The following FAM186A variants were observed in gnomAD, a reference collection of about 807,000 sequenced individuals.
The protein encoded by FAM186A is protein FAM186A.
FAM186A carries 163 observed loss-of-function variants against 216.8 expected under a neutral mutation model. The observed-to-expected ratio is 0.75, with a 90% CI of 0.66 to 0.86. The LOEUF (loss-of-function observed/expected upper bound fraction) is 0.86, where lower values mean the gene tolerates loss of function less well. FAM186A is among the 40% of genes least tolerant of loss of function. The pLI, the probability that FAM186A is intolerant of heterozygous loss-of-function variation, is 0.00. For synonymous variants in FAM186A, 805 were observed against 1,025.3 expected (o/e 0.79, Z 4.10); for missense variants, 2,184 against 2,746.2 (o/e 0.80, Z 4.58).
chr12:50,373,011 GAA>G (rs1359156592), intron 1 of FAM186A, among the ~76,000 whole-genome samples: 1 of 106,206 alleles, frequency 9.4e-6, no homozygotes, highest in African/African-American at 4.2e-5. Context: ...AAGAAAGAAA[GAA>G]AGAAAGAAAG....
At chr12:50,372,272 A>G (rs1943148659) in intron 1 of FAM186A, among the ~76,000 whole-genome samples, 1 of 152,120 alleles carries the variant, frequency 6.6e-6, no homozygotes, top group South Asian at 2.1e-4. Context: ...AAAGAATAAC[A>G]TCACAACTAA....
chr12:50,355,828 A>G lies in FAM186A; in HGVS notation c.1004T>C (p.Ile335Thr). Residue 335 changes from isoleucine to threonine, a missense_variant, in exon 4 of 8, where the codon ATT becomes ACT. By Grantham distance (89) the Ile-to-Thr change is moderately conservative. This residue lies in a region of FAM186A where 1,132 missense variants were observed against 1,263.4 expected (regional missense o/e 0.90). Coordinates refer to ENST00000327337, the MANE Select transcript of FAM186A (RefSeq NM_001145475.3). ...TTTTGCATATAGTTGTTCTATAACA[A>G]TTTTGGATCGAATAAGTTGTTCACA... is the stretch of plus-strand genomic sequence containing the variant. ...EKCEQLIRSK[I>T]VIEQLYAKLS... 6.4e-7 allele frequency: 1 copy of G among 1,551,518 alleles called. No individual in the cohort carries two copies. The highest frequency in any genetic ancestry group is 8.7e-7 in the Non-Finnish European group (1 of 1,146,964).
rs1942950025 is a variant in FAM186A at position 50,354,436 on chromosome 12, A to G, written c.2396T>C (p.Ile799Thr). 1.3e-6 allele frequency: 2 copies of G among 1,551,244 alleles called. No homozygotes were observed. The highest frequency in any genetic ancestry group is 1.7e-6 in the Non-Finnish European group (2 of 1,146,954). The change falls in exon 4 of 8, where the codon ATA (isoleucine) becomes ACA (threonine). Residue 799 changes from isoleucine (I) to threonine (T), a missense_variant. This residue lies in a region of FAM186A where 1,132 missense variants were observed against 1,263.4 expected (regional missense o/e 0.90). Coordinates refer to ENST00000327337, the MANE Select transcript of FAM186A (RefSeq NM_001145475.3). ...TGTTGGAATATCTCTTTCACTTTCT[A>G]TTTCAGCCAAGATCATTTGTATTAA... ...NNLIQMILAE[I>T]ESERDIPTVS...
chr12:50,350,289 G>T lies in FAM186A; in HGVS notation c.6503+40C>A, dbSNP rs932798403. On this transcript the variant is annotated intron_variant, in intron 4 of 7. Coordinates refer to ENST00000327337, the MANE Select transcript of FAM186A (RefSeq NM_001145475.3). ...CAATGACAGAAAATATTTGCAATCA[G>T]AACTAAACCAGAAAACTAGACGTAA... 6 of 1,461,746 alleles carry T rather than the reference G, an allele frequency of 4.1e-6. No homozygotes were observed. The African/African-American group carries it at 5.7e-5, about 14-fold the overall frequency. 90.5% of individuals were successfully genotyped at this position (1,461,746 alleles called of 1,614,324 possible). A position where few individuals can be genotyped will look rare whatever the true frequency, so the allele number is the denominator to read the frequency against.
chr12:50,327,510 A>G, intron 7 of FAM186A, 106 bp from the exon 8 acceptor site: 1 of 769,434 alleles, frequency 1.3e-6, no homozygotes, highest in Admixed American at 2.9e-5. Flanking sequence ...AGAACTCAAA[A>G]AGATAAACTA....
chr12:50,346,804 C>A (rs1176138372), intron 4 of FAM186A, among the ~76,000 whole-genome samples: 1 of 151,652 alleles, frequency 6.6e-6, no homozygotes, highest in Non-Finnish European at 1.5e-5. Flanking sequence ...TGGAGATTGC[C>A]CCACTGCACT....
In FAM186A at chr12:50,360,804, A is replaced by G. The variant is rs1293746366; in HGVS notation, c.535T>C (p.Phe179Leu). 4 of 1,547,052 alleles carry G rather than the reference A, an allele frequency of 2.6e-6. No individual in the cohort carries two copies. The highest frequency in any genetic ancestry group is 2.6e-6 in the Non-Finnish European group (3 of 1,145,566). The part of the protein sequence containing the change: ...IENNVKILSR[F>L]STSFLDEKKK... ...TTTTCGTCGAGGAAAGATGTACTAA[A>G]TCTGCTTAGTATCTTGACATTGTTC... Residue 179 changes from phenylalanine to leucine, a missense_variant, in exon 3 of 8, where the codon TTT (phenylalanine) becomes CTT (leucine). Physicochemically the swap from Phe to Leu is conservative, Grantham distance 22. Transcript: ENST00000327337.
intron 1 of FAM186A, among the ~76,000 whole-genome samples, chr12:50,369,035 G>T (rs772318198): frequency 6.7e-6 from 1 of 149,876 alleles, no homozygotes; most frequent in Non-Finnish European, 1.5e-5. Context: ...AATGAAGTTG[G>T]ATCCTTATCT....
intron 4 of FAM186A, among the ~76,000 whole-genome samples, chr12:50,347,988 T>A (rs1285345481): frequency 1.3e-5 from 2 of 150,544 alleles, no homozygotes; most frequent in Non-Finnish European, 3.0e-5. Context: ...TTCTTCTGCC[T>A]CAGCCTCCTG....
intron 3 of FAM186A, among the ~76,000 whole-genome samples, 174 bp downstream of exon 3, chr12:50,360,582 G>A (rs1943022949): frequency 6.6e-6 from 1 of 151,698 alleles, no homozygotes; most frequent in African/African-American, 2.4e-5. Context: ...CTACTCTGGA[G>A]GCTGAGGCAG....
At position 50,353,584 on chromosome 12, in the gene FAM186A, A is replaced by G. The variant is rs558943829; in HGVS notation, c.3248T>C (p.Val1083Ala). The change falls in exon 4 of 8, where the codon GTG (valine) becomes GCG (alanine). Residue 1083 changes from valine to alanine, a missense_variant. Around this residue, in one of 7 missense-constraint regions of FAM186A, gnomAD observed 1,132 missense variants for 1,263.4 expected, o/e 0.90. Transcript: ENST00000327337. ...IHLTPQQAQE[V>A]GITLTPQQAQ... ...CTGCTGAGGAGTGAGTGTGATCCCCACTTCCTGGGCCTGCTGAGGTGTGAG... is the reference window on the plus strand; with the variant it reads ...CTGCTGAGGAGTGAGTGTGATCCCCGCTTCCTGGGCCTGCTGAGGTGTGAG... 4.3e-5 allele frequency: 65 copies of G among 1,526,120 alleles called. 1 individual carries two copies. In the South Asian group the frequency reaches 7.5e-4, roughly 18 times the overall value. 94.5% of individuals were successfully genotyped at this position (1,526,120 alleles called of 1,614,324 possible).
Position 50,363,328 on chromosome 12 carries a change from C to G in FAM186A, c.229G>C (p.Val77Leu). ...GTATAGCGAGTCATTATCCGATGCA[C>G]ATTGTTCATTATTTCACTCAGCTGC... The part of the protein sequence containing the change: ...DMQLSEIMNN[V>L]HRIMTRYTLV... The change falls in exon 2 of 8, where the codon GTG becomes CTG. Residue 77 changes from valine to leucine, a missense_variant. Physicochemically the swap from Val to Leu is conservative, Grantham distance 32 (BLOSUM62 1). Coordinates refer to ENST00000327337, the MANE Select transcript of FAM186A (RefSeq NM_001145475.3). 2 of 1,551,116 alleles carry G rather than the reference C, an allele frequency of 1.3e-6. No individual in the cohort carries two copies. The highest frequency in any genetic ancestry group is 1.7e-6 in the Non-Finnish European group (2 of 1,146,904).
At chr12:50,335,908 G>T (rs192481449) in intron 4 of FAM186A, among the ~76,000 whole-genome samples, 1 of 151,896 alleles carries the variant, frequency 6.6e-6, no homozygotes, top group African/African-American at 2.4e-5. Flanking sequence ...GGCAGATCAC[G>T]AGGTCAGGGG....
rs866924370 is a variant in FAM186A at position 50,353,662 on chromosome 12, G to A, written c.3170C>T (p.Ser1057Phe). ...SITPPPSLQY[S>F]LPGALPISGQ... Reference sequence around the variant, plus strand: ...AGAAATAGGAAGAGCTCCAGGCAGGGAGTATTGTAGGGAGGGGGGAGGTGT... The same window carrying A: ...AGAAATAGGAAGAGCTCCAGGCAGGAAGTATTGTAGGGAGGGGGGAGGTGT... Residue 1057 changes from serine (S) to phenylalanine (F), a missense_variant, in exon 4 of 8, where the codon TCC (serine) becomes TTC (phenylalanine). Coordinates refer to ENST00000327337, the MANE Select transcript of FAM186A (RefSeq NM_001145475.3). 3 of 1,537,224 alleles carry A rather than the reference G, an allele frequency of 2.0e-6. No individual in the cohort carries two copies. Among genetic ancestry groups the A allele is most frequent in the Non-Finnish European group, 2.6e-6 (3 of 1,141,474 alleles).
intron 1 of FAM186A, among the ~76,000 whole-genome samples, chr12:50,378,566 ATATATATACACATATGTAAATTG>A (rs879290038): frequency 0.37 from 16,003 of 43,068 alleles, 1,445 homozygotes; most frequent in East Asian, 0.59. Flanking sequence ...TTGTATATAT[ATATATATACACATATGTAAATTG>A]TATATATATA....
At chr12:50,362,743 C>CAAAAAAAAAAAAAAAAAAAA (rs10654604) in intron 2 of FAM186A, among the ~76,000 whole-genome samples, 1 of 85,920 alleles carries the variant, frequency 1.2e-5, no homozygotes, top group Non-Finnish European at 2.2e-5. Context: ...GAACCTGTCT[C>CAAAAAAAAAAAAAAAAAAAA]AAAAAAAAAA....
intron 4 of FAM186A, among the ~76,000 whole-genome samples, chr12:50,346,568 C>G (rs908207878): frequency 6.6e-6 from 1 of 152,190 alleles, no homozygotes; most frequent in African/African-American, 2.4e-5. Context: ...ACAAAAATCG[C>G]CGGGCGTGGT....
chr12:50,331,582 G>A (rs887235606), intron 6 of FAM186A, 88 bp downstream of exon 6: 1 of 1,242,350 alleles, frequency 8.0e-7, no homozygotes, highest in South Asian at 1.4e-5. Flanking sequence ...TTTGATAATT[G>A]TGGAGAAAGG....
At position 50,355,753 on chromosome 12, in the gene FAM186A, G is replaced by A. The variant is rs1314679564; in HGVS notation, c.1079C>T (p.Ser360Leu). Residue 360 changes from serine to leucine, a missense_variant, in exon 4 of 8, where the codon TCA becomes TTA. This residue lies in a region of FAM186A where 1,132 missense variants were observed against 1,263.4 expected (regional missense o/e 0.90). Coordinates refer to ENST00000327337, the MANE Select transcript of FAM186A (RefSeq NM_001145475.3). ...ACCAACTTTGATTATCGCCCTGGAT[G>A]ACTGTGGAGAAGGTCCAGGTAACAC... ...LKVLPGPSPQ[S>L]SRAIIKVGDT... 1 of 1,551,646 alleles carries A rather than the reference G, an allele frequency of 6.4e-7. No individual in the cohort carries two copies. Among genetic ancestry groups the A allele is most frequent in the East Asian group, 2.4e-5 (1 of 40,912 alleles).
Sources: allele counts gnomAD v4.1 joint callset (sites outside exome capture counted in the v4.1 genomes callset), GRCh38; gene constraint gnomAD v4.1.1; regional missense constraint gnomAD v4.1.1; transcripts MANE v1.5; gene names NCBI Gene and HGNC (gene_info 2026-07-23, HGNC 2026-07-21).